SKAP1: variants seen among roughly 807,000 people sequenced by gnomAD.
SKAP1 encodes the protein src kinase associated phosphoprotein 1, also known as src kinase-associated phosphoprotein 1.
SKAP1 carries 44 observed loss-of-function variants against 58.5 expected under a neutral mutation model. The observed-to-expected ratio is 0.75, with a 90% CI of 0.59 to 0.97. SKAP1 has a LOEUF of 0.97. SKAP1 is among the 50% of genes least tolerant of loss of function. The pLI is 0.00. For synonymous variants in SKAP1, 127 were observed against 149.7 expected (o/e 0.85, Z 1.11); for missense variants, 390 against 435.2 (o/e 0.90, Z 0.92).
At position 48,252,196 on chromosome 17, in the gene SKAP1, T is replaced by C. The variant is rs545823708; in HGVS notation, c.281-62696A>G. On this transcript the variant is annotated intron_variant, in intron 4 of 12. Coordinates refer to ENST00000336915, the MANE Select transcript of SKAP1 (RefSeq NM_003726.4). Reference sequence around the variant, plus strand: ...CAAAGGGTTGGTATAGACTCTTGAGTAAATAATATATGTAAGCGAGAATGG... The same window carrying C: ...CAAAGGGTTGGTATAGACTCTTGAGCAAATAATATATGTAAGCGAGAATGG... Among the ~76,000 whole-genome samples, 196 of 151,650 alleles carry C rather than the reference T, an allele frequency of 1.3e-3. 1 individual carries two copies. Among genetic ancestry groups the C allele is most frequent in the African/African-American group, 4.6e-3 (192 of 41,362 alleles).
chr17:48,233,568 T>C (rs2065147168), intron 4 of SKAP1, among the ~76,000 whole-genome samples: 1 of 150,694 alleles, frequency 6.6e-6, no homozygotes, highest in Non-Finnish European at 1.5e-5. Flanking sequence ...TAAAATAAGA[T>C]TACTGGCCAA....
intron 1 of SKAP1, among the ~76,000 whole-genome samples, chr17:48,397,880 T>A (rs911955636): frequency 1.3e-5 from 2 of 151,862 alleles, no homozygotes; most frequent in African/African-American, 4.8e-5. Flanking sequence ...GGGGGGGTGG[T>A]TCTACAAATT....
At chr17:48,431,166 C>T (rs774725405), upstream of SKAP1, among the ~76,000 whole-genome samples, 1 of 152,044 alleles carries the variant, frequency 6.6e-6, no homozygotes, top group Non-Finnish European at 1.5e-5. Context: ...GGGAAGAGGC[C>T]AGGCATTGTG....
At chr17:48,362,017 C>T (rs979098297) in intron 3 of SKAP1, among the ~76,000 whole-genome samples, 3 of 152,192 alleles carry the variant, frequency 2.0e-5, no homozygotes, top group Non-Finnish European at 4.4e-5. Flanking sequence ...AGACTGGGGG[C>T]TAGGGCATGA....
intron 2 of SKAP1, among the ~76,000 whole-genome samples, chr17:48,387,221 AG>A (rs1191499802): frequency 6.6e-6 from 1 of 152,248 alleles, no homozygotes; most frequent in East Asian, 1.9e-4. Context: ...ATTCTTTTAA[AG>A]AATAGTATCA....
intron 4 of SKAP1, among the ~76,000 whole-genome samples, chr17:48,288,664 C>T (rs779189067): frequency 6.6e-6 from 1 of 151,966 alleles, no homozygotes; most frequent in Non-Finnish European, 1.5e-5. Context: ...CCAGCCTGGG[C>T]GACAAAGTGA....
At chr17:48,144,874 A>G (rs1238605405) in intron 11 of SKAP1, among the ~76,000 whole-genome samples, 1 of 152,200 alleles carries the variant, frequency 6.6e-6, no homozygotes. Context: ...TCAATTTGGA[A>G]GTGTTTCTGT....
chr17:48,233,346 T>G (rs1598451655), intron 4 of SKAP1, among the ~76,000 whole-genome samples: 2 of 152,300 alleles, frequency 1.3e-5, no homozygotes, highest in East Asian at 3.9e-4. Flanking sequence ...ATATTGATGA[T>G]TCTTTACATC....
At chr17:48,267,195 C>A (rs778516250) in intron 4 of SKAP1, among the ~76,000 whole-genome samples, 14 of 152,080 alleles carry the variant, frequency 9.2e-5, no homozygotes, top group Non-Finnish European at 1.8e-4. Flanking sequence ...CACTAGTAAG[C>A]CTTTTTTAGC....
At chr17:48,138,815 C>CT (rs1396056621) in intron 11 of SKAP1, among the ~76,000 whole-genome samples, 9 of 151,778 alleles carry the variant, frequency 5.9e-5, no homozygotes, top group East Asian at 1.9e-4. Context: ...TGTGCCCACT[C>CT]TGAGTATGGG....
At chr17:48,261,507 G>A (rs531504233) in intron 4 of SKAP1, among the ~76,000 whole-genome samples, 3 of 152,136 alleles carry the variant, frequency 2.0e-5, no homozygotes, top group Non-Finnish European at 4.4e-5. Context: ...TGCTATTGGA[G>A]GATGTACTCA....
At chr17:48,356,282 A>C (rs1353394208) in intron 3 of SKAP1, among the ~76,000 whole-genome samples, 1 of 152,148 alleles carries the variant, frequency 6.6e-6, no homozygotes, top group Non-Finnish European at 1.5e-5. Flanking sequence ...ATAAATAAAT[A>C]AATAGATAGA....
At chr17:48,307,055 T>C (rs143137255) in intron 4 of SKAP1, among the ~76,000 whole-genome samples, 2 of 152,320 alleles carry the variant, frequency 1.3e-5, no homozygotes, top group East Asian at 1.9e-4. Context: ...AACATACCTA[T>C]AGCAACATTA....
intron 1 of SKAP1, among the ~76,000 whole-genome samples, chr17:48,424,289 G>A (rs1323149843): frequency 5.0e-5 from 7 of 139,480 alleles, no homozygotes; most frequent in Non-Finnish European, 1.1e-4. Flanking sequence ...GCAGTGGCGC[G>A]ATCTCAGCTC....
intron 4 of SKAP1, chr17:48,193,705 G>T: frequency 1.0e-6 from 1 of 984,948 alleles, no homozygotes; most frequent in Non-Finnish European, 1.2e-6. Flanking sequence ...TAGTGATCCT[G>T]AGGATGAACA....
chr17:48,151,165 T>C (rs528756058), intron 11 of SKAP1, among the ~76,000 whole-genome samples: 1 of 152,002 alleles, frequency 6.6e-6, no homozygotes, highest in East Asian at 1.9e-4. Context: ...AGTTGCACCT[T>C]AGAATCTGCC....
At chr17:48,425,176 C>T (rs186958203) in intron 1 of SKAP1, among the ~76,000 whole-genome samples, 40 of 152,160 alleles carry the variant, frequency 2.6e-4, no homozygotes, top group Non-Finnish European at 5.1e-4. Flanking sequence ...AAGAATTGCT[C>T]GAACCTGGGA....
chr17:48,379,262 T>C (rs2144469866), intron 2 of SKAP1, among the ~76,000 whole-genome samples: 1 of 152,306 alleles, frequency 6.6e-6, no homozygotes, highest in Non-Finnish European at 1.5e-5. Context: ...ATACAATCAA[T>C]TTGTTTCCTC....
At chr17:48,146,757 T>C (rs1017170548) in intron 11 of SKAP1, among the ~76,000 whole-genome samples, 4 of 151,808 alleles carry the variant, frequency 2.6e-5, no homozygotes, top group South Asian at 2.1e-4. Context: ...GCTTCCTGAG[T>C]AGTTGAGATT....
Sources: allele counts gnomAD v4.1 joint callset (sites outside exome capture counted in the v4.1 genomes callset), GRCh38; gene constraint gnomAD v4.1.1; transcripts MANE v1.5; gene names NCBI Gene and HGNC (gene_info 2026-07-23, HGNC 2026-07-21).